The following SYTL5 variants were observed in gnomAD, a reference collection of about 807,000 sequenced individuals.
The protein encoded by SYTL5 is synaptotagmin-like protein 5.
In SYTL5, 34 loss-of-function variants were observed where a neutral mutation model predicts 55.9. The ratio of observed to expected loss-of-function variants is 0.61; its 90% CI spans 0.46 to 0.81. The LOEUF is 0.81. Among genes scored for constraint, SYTL5 ranks in the 30% least tolerant of loss-of-function variants. The pLI is 0.00. For missense variants in SYTL5, 637 were observed against 546.7 expected (o/e 1.17, Z -1.65); for synonymous variants, 221 against 188.7 (o/e 1.17, Z -1.40).
rs1346629432 is a variant in SYTL5, at chrX:38,106,575, C to G, written c.1156-18C>G. ...TTAGAATGACACTAGAAGCCTTTTT[C>G]CATCTTGTTTATTCCAGACCAGCCT... is the stretch of plus-strand genomic sequence containing the variant. On this transcript the variant is annotated intron_variant, in intron 10 of 16. Transcript: ENST00000297875. The G allele has an allele frequency of 3.5e-6, 4 of 1,153,891 alleles. No individual in the cohort carries two copies. The highest frequency in any genetic ancestry group is 4.6e-6 in the Non-Finnish European group (4 of 868,189).
intron 3 of SYTL5, among the ~76,000 whole-genome samples, chrX:38,067,769 C>T (rs1192743982): frequency 1.8e-5 from 2 of 111,944 alleles, no homozygotes; most frequent in Non-Finnish European, 3.8e-5. Flanking sequence ...CTATTTTTCA[C>T]TATATACAAA....
At chrX:38,011,455 C>A (rs1189752109) in intron 1 of SYTL5, among the ~76,000 whole-genome samples, 1 of 108,205 alleles carries the variant, frequency 9.2e-6, no homozygotes, top group African/African-American at 3.4e-5. Context: ...CATGGTGAAA[C>A]CCCGTCTCTA....
At chrX:37,932,397 G>C in the SYTL5 span, among the ~76,000 whole-genome samples, 4 of 112,039 alleles carry the variant, frequency 3.6e-5, no homozygotes, top group Admixed American at 9.5e-5. Flanking sequence ...ATTGACTTCT[G>C]TCTCTCCAAA....
chrX:37,932,999 C>A, the SYTL5 span, among the ~76,000 whole-genome samples: 1 of 111,168 alleles, frequency 9.0e-6, no homozygotes, highest in East Asian at 2.8e-4. Context: ...GTTGCCAGGG[C>A]AGTTATGGCC....
Position 38,063,056 on chromosome X carries a change from T to C in SYTL5, c.329+8634T>C, listed in dbSNP as rs185654290. Reference sequence around the variant, plus strand: ...TAAATCCTTTCAAGTGCCCTCTTACTGAGACTCTCCATGATTCCTCATGGT... The same window carrying C: ...TAAATCCTTTCAAGTGCCCTCTTACCGAGACTCTCCATGATTCCTCATGGT... On this transcript the variant is annotated intron_variant, in intron 3 of 16. Coordinates refer to ENST00000297875, the MANE Select transcript of SYTL5 (RefSeq NM_138780.3). Among the ~76,000 whole-genome samples, 14 of 110,732 alleles carry C rather than the reference T, an allele frequency of 1.3e-4. 1 individual carries two copies. Among genetic ancestry groups the C allele is most frequent in the Admixed American group, 3.9e-4 (4 of 10,276 alleles).
intron 3 of SYTL5, among the ~76,000 whole-genome samples, chrX:38,066,952 A>G (rs1936114773): frequency 9.0e-6 from 1 of 111,634 alleles, no homozygotes; most frequent in Non-Finnish European, 1.9e-5. Context: ...AATTAGAGAT[A>G]CCGTATATAA....
chrX:38,048,882 T>G, intron 2 of SYTL5, among the ~76,000 whole-genome samples: 1 of 111,815 alleles, frequency 8.9e-6, no homozygotes, highest in South Asian at 3.7e-4. Context: ...GAAATTTAGG[T>G]TTTAATGATA....
chrX:38,095,235 G>A (rs1450069192), intron 8 of SYTL5, among the ~76,000 whole-genome samples: 3 of 111,776 alleles, frequency 2.7e-5, no homozygotes, highest in Non-Finnish European at 5.7e-5. Flanking sequence ...TAAAAAAGCT[G>A]TTCACCTGTT....
chrX:38,123,449 A>G (rs1246091337), intron 15 of SYTL5, among the ~76,000 whole-genome samples: 1 of 111,883 alleles, frequency 8.9e-6, no homozygotes, highest in African/African-American at 3.3e-5. Context: ...ACTTTGGTAA[A>G]GCTAGTAGTG....
intron 3 of SYTL5, among the ~76,000 whole-genome samples, chrX:38,066,443 AATAAGT>A (rs761114232): frequency 8.9e-6 from 1 of 111,816 alleles, no homozygotes; most frequent in African/African-American, 3.3e-5. Context: ...ATTATTCACA[AATAAGT>A]ATAGCCCACT....
chrX:37,961,282 C>T, the SYTL5 span, among the ~76,000 whole-genome samples: 2 of 111,542 alleles, frequency 1.8e-5, no homozygotes, highest in East Asian at 5.6e-4. Context: ...GTTCTGGAGT[C>T]TGAGAAGTCC....
chrX:37,912,651 C>G, the SYTL5 span, among the ~76,000 whole-genome samples: 1 of 111,999 alleles, frequency 8.9e-6, no homozygotes, highest in Non-Finnish European at 1.9e-5. Flanking sequence ...TTAATACCAG[C>G]TAGCATTTAT....
chrX:38,090,729 G>T (rs946995072), intron 7 of SYTL5, among the ~76,000 whole-genome samples: 48 of 112,610 alleles, frequency 4.3e-4, no homozygotes, highest in Non-Finnish European at 8.4e-4. Context: ...GTTCCACCAC[G>T]CAGAGACAGC....
chrX:38,035,724 G>A (rs1261243699), intron 2 of SYTL5, among the ~76,000 whole-genome samples: 4 of 106,393 alleles, frequency 3.8e-5, no homozygotes, highest in East Asian at 3.0e-4. Context: ...ATGAAACCCC[G>A]TCTCTACTAA....
chrX:37,953,074 G>A, the SYTL5 span, among the ~76,000 whole-genome samples: 9 of 111,436 alleles, frequency 8.1e-5, no homozygotes, highest in East Asian at 2.8e-4. Flanking sequence ...ACTCTGGAGC[G>A]AGTTGCCTTT....
At chrX:38,080,647 A>C (rs1455937440) in intron 6 of SYTL5, among the ~76,000 whole-genome samples, 2 of 112,144 alleles carry the variant, frequency 1.8e-5, no homozygotes, top group Non-Finnish European at 3.8e-5. Flanking sequence ...CTGTCCAGGA[A>C]ATATGGCACT....
chrX:38,106,005 C>T (rs1178592757), intron 10 of SYTL5, among the ~76,000 whole-genome samples: 1 of 112,151 alleles, frequency 8.9e-6, no homozygotes, highest in East Asian at 2.8e-4. Context: ...TGTAGCCACA[C>T]AGCTAGCTAC....
chrX:38,007,298 G>A (rs1284500895), intron 1 of SYTL5, among the ~76,000 whole-genome samples: 1 of 111,599 alleles, frequency 9.0e-6, no homozygotes, highest in Non-Finnish European at 1.9e-5. Context: ...TTACAGAAAT[G>A]CGATATTAAC....
intron 6 of SYTL5, among the ~76,000 whole-genome samples, chrX:38,079,936 GT>G (rs1289419397): frequency 1.8e-5 from 2 of 112,365 alleles, no homozygotes; most frequent in Non-Finnish European, 3.8e-5. Flanking sequence ...ACTAACAACT[GT>G]TTTTTAGTAT....
Sources: allele counts gnomAD v4.1 joint callset (sites outside exome capture counted in the v4.1 genomes callset), GRCh38; gene constraint gnomAD v4.1.1; transcripts MANE v1.5; gene names NCBI Gene and HGNC (gene_info 2026-07-23, HGNC 2026-07-21).